PRDM2: variants seen among roughly 807,000 people sequenced by gnomAD.
The protein encoded by PRDM2 is PR domain zinc finger protein 2.
Under a neutral mutation model 130.0 loss-of-function variants are expected in PRDM2, and 30 were observed. The observed-to-expected ratio is 0.23, with a 90% confidence interval of 0.17 to 0.31. The LOEUF is 0.31. Ranked by LOEUF, PRDM2 falls within the 10% of genes least tolerant of loss-of-function variation. The probability of loss-of-function intolerance (pLI) is 1.00; values close to 1 mark genes in which losing one functional copy is unlikely to be tolerated. For synonymous variants in PRDM2, 871 were observed against 782.4 expected, an observed-to-expected ratio of 1.11 and a Z score of -1.89; for missense variants, 2,011 against 2,108.4, an observed-to-expected ratio of 0.95 and a Z score of 0.90.
At chr1:13,773,034 TAAAA>T (rs35124546) in intron 6 of PRDM2, 40 bp from the exon 7 acceptor site, 49 of 1,048,656 alleles carry the variant, frequency 4.7e-5, no homozygotes, top group Middle Eastern at 4.9e-4. Context: ...AATGAATAAA[TAAAA>T]AAAAAATGAA....
intron 8 of PRDM2, among the ~76,000 whole-genome samples, chr1:13,810,600 T>C (rs9970252): frequency 0.084 from 12,707 of 151,888 alleles, 1,448 homozygotes; most frequent in African/African-American, 0.26. Context: ...GTTCACACCA[T>C]TCTCCTGCCT....
At chr1:13,727,362 C>T (rs1430221481) in intron 2 of PRDM2, among the ~76,000 whole-genome samples, 2 of 152,126 alleles carry the variant, frequency 1.3e-5, no homozygotes, top group African/African-American at 4.8e-5. Context: ...TCAAGCAATT[C>T]TCTTGCTTCA....
intron 5 of PRDM2, among the ~76,000 whole-genome samples, chr1:13,743,973 A>G (rs1006078404): frequency 1.3e-5 from 2 of 152,214 alleles, no homozygotes; most frequent in African/African-American, 4.8e-5. Context: ...GTTTCTCAGA[A>G]GTATTTAAAG....
At chr1:13,718,437 G>C in intron 2 of PRDM2, among the ~76,000 whole-genome samples, 1 of 152,172 alleles carries the variant, frequency 6.6e-6, no homozygotes, top group East Asian at 1.9e-4. Flanking sequence ...AGAGTCCACA[G>C]CCTGCCAGTA....
intron 6 of PRDM2, among the ~76,000 whole-genome samples, chr1:13,752,969 A>G (rs1000144928): frequency 3.9e-5 from 6 of 152,092 alleles, no homozygotes; most frequent in Non-Finnish European, 7.4e-5. Context: ...TGTAAGTACC[A>G]CTCCTTAGAA....
chr1:13,794,656 C>T (rs1207652917), intron 8 of PRDM2, among the ~76,000 whole-genome samples: 1 of 152,208 alleles, frequency 6.6e-6, no homozygotes, highest in African/African-American at 2.4e-5. Context: ...CCTGGAAGGA[C>T]CACAGATGCT....
chr1:13,704,597 C>T (rs1395338447), intron 1 of PRDM2, among the ~76,000 whole-genome samples: 3 of 152,198 alleles, frequency 2.0e-5, no homozygotes, highest in African/African-American at 7.2e-5. Context: ...ATATGTAAAG[C>T]TAAGTGCAAG....
intron 6 of PRDM2, among the ~76,000 whole-genome samples, chr1:13,759,177 T>G (rs1644036444): frequency 6.6e-6 from 1 of 152,074 alleles, no homozygotes; most frequent in African/African-American, 2.4e-5. Context: ...TTTTTTTTTT[T>G]TTAAATGAAA....
At chr1:13,708,693 ATC>A in intron 1 of PRDM2, among the ~76,000 whole-genome samples, 2 of 152,264 alleles carry the variant, frequency 1.3e-5, no homozygotes, top group South Asian at 4.1e-4. Flanking sequence ...CTATTCTTGT[ATC>A]TCTTATATAT....
At chr1:13,739,426 C>T (rs988024889) in intron 4 of PRDM2, among the ~76,000 whole-genome samples, 1 of 152,120 alleles carries the variant, frequency 6.6e-6, no homozygotes, top group African/African-American at 2.4e-5. Context: ...ATCTGGTTAT[C>T]TTTGCTGTCT....
chr1:13,765,076 C>T (rs79394952), intron 6 of PRDM2, among the ~76,000 whole-genome samples: 2,887 of 152,270 alleles, frequency 0.019, 96 homozygotes, highest in African/African-American at 0.065. Flanking sequence ...TGCCACTGAT[C>T]GCGCCTTGAC....
intron 6 of PRDM2, among the ~76,000 whole-genome samples, chr1:13,772,601 T>G (rs1644383358): frequency 6.6e-6 from 1 of 152,254 alleles, no homozygotes; most frequent in Admixed American, 6.5e-5. Context: ...AATCTCTGCT[T>G]CTCTTGTTTT....
intron 4 of PRDM2, among the ~76,000 whole-genome samples, chr1:13,741,026 G>A (rs1557611450): frequency 6.6e-6 from 1 of 152,212 alleles, no homozygotes; most frequent in Non-Finnish European, 1.5e-5. Context: ...TAAAAATAAA[G>A]TAAAAGACTC....
At chr1:13,785,664 A>T (rs1644718421) in intron 8 of PRDM2, among the ~76,000 whole-genome samples, 1 of 85,606 alleles carries the variant, frequency 1.2e-5, no homozygotes, top group Non-Finnish European at 2.2e-5. Context: ...TACTACAGTG[A>T]CCCACCCCCC....
rs1022935715 is a variant in PRDM2, at chr1:13,783,104, A to G, written c.5036+273A>G. The G allele has an allele frequency of 1.0e-5, 7 of 691,650 alleles. 1 individual carries two copies. The highest frequency in any genetic ancestry group is 5.4e-5 in the African/African-American group (3 of 55,242). 42.8% of individuals were successfully genotyped at this position (691,650 alleles called of 1,614,324 possible). On this transcript the variant is annotated intron_variant, in intron 8 of 9. Coordinates refer to ENST00000311066, the MANE Select transcript of PRDM2 (RefSeq NM_001393986.1). ...ATTTAAAACTATAGAAAAGCTCTCAAAAGTACTCTAAGAAAAGATGCAATC... is the reference window on the plus strand; with the variant it reads ...ATTTAAAACTATAGAAAAGCTCTCAGAAGTACTCTAAGAAAAGATGCAATC...
intron 2 of PRDM2, among the ~76,000 whole-genome samples, chr1:13,725,206 G>A (rs750534336): frequency 1.4e-4 from 22 of 152,068 alleles, no homozygotes; most frequent in Admixed American, 6.5e-5. Context: ...AGAGTCCTAT[G>A]TACTCTATTT....
intron 5 of PRDM2, among the ~76,000 whole-genome samples, chr1:13,742,712 T>C (rs1643484850): frequency 6.6e-6 from 1 of 152,244 alleles, no homozygotes; most frequent in African/African-American, 2.4e-5. Context: ...GTTAAGCATG[T>C]GGCAGCTGCT....
Position 13,824,576 on chromosome 1 carries a change from T to G in PRDM2, c.*1441T>G, listed in dbSNP as rs150201899. The G allele has an allele frequency of 5.2e-4, 79 of 152,276 alleles. No homozygotes were observed. Among genetic ancestry groups the G allele is most frequent in the African/African-American group, 1.7e-3 (72 of 41,558 alleles). The allele number at this position is 152,276 out of a possible 1,614,324, so 9.4% of individuals were successfully genotyped here. A position where few individuals can be genotyped will look rare whatever the true frequency, so the allele number is the denominator to read the frequency against. ...GAAAAATGGTGGTCATTGGCCGACA[T>G]CACAGTTTTCCTGTTTCCCACCCAG... On this transcript the variant is annotated 3_prime_UTR_variant, in exon 10 of 10. Transcript: ENST00000311066.
chr1:13,700,497 G>T lies in PRDM2; in HGVS notation c.-66+197G>T, dbSNP rs567799495. ...GGGACGAGGCGCGGGCCTCCGGGTC[G>T]GTGGCCCCGCGGGTGGGTGGCGGCG... On this transcript the variant is annotated intron_variant, in intron 1 of 9. Transcript: ENST00000311066. Among the ~76,000 whole-genome samples the T allele has an allele frequency of 2.9e-3, 432 of 150,288 alleles. 2 individuals are homozygous for T. Among genetic ancestry groups the T allele is most frequent in the Middle Eastern group, 0.01 (3 of 288 alleles).
Sources: allele counts gnomAD v4.1 joint callset (sites outside exome capture counted in the v4.1 genomes callset), GRCh38; gene constraint gnomAD v4.1.1; transcripts MANE v1.5; gene names NCBI Gene and HGNC (gene_info 2026-07-23, HGNC 2026-07-21).